Variants in FHOD3 observed in about 807,000 individuals in gnomAD.
FHOD3 encodes the protein formin homology 2 domain containing 3.
FHOD3 carries 90 observed loss-of-function variants against 173.0 expected under a neutral mutation model. The observed-to-expected ratio is 0.52, with a 90% confidence interval of 0.44 to 0.62. The LOEUF (loss-of-function observed/expected upper bound fraction) is 0.62, where lower values mean the gene tolerates loss of function less well. Among genes scored for constraint, FHOD3 ranks in the 20% least tolerant of loss-of-function variants. FHOD3 has a pLI of 0.00. For missense variants in FHOD3, 1,945 were observed against 2,034.7 expected, an observed-to-expected ratio of 0.96 and a Z score of 0.85; for synonymous variants, 828 against 823.0, an observed-to-expected ratio of 1.01 and a Z score of -0.10.
intron 23 of FHOD3, among the ~76,000 whole-genome samples, chr18:36,744,856 C>T (rs1466414996): frequency 1.3e-5 from 2 of 152,186 alleles, no homozygotes. Context: ...AGAGGGATCC[C>T]AAACACACCA....
intron 7 of FHOD3, 128 bp downstream of exon 7, chr18:36,595,026 A>C: frequency 1.6e-6 from 1 of 615,852 alleles, no homozygotes; most frequent in Non-Finnish European, 2.8e-6. Flanking sequence ...TTCCCACTGC[A>C]AGAAACGTTT....
At chr18:36,732,850 C>A (rs2041438851) in intron 20 of FHOD3, among the ~76,000 whole-genome samples, 1 of 152,188 alleles carries the variant, frequency 6.6e-6, no homozygotes, top group Admixed American at 6.5e-5. Flanking sequence ...CAAAGCGTGT[C>A]CCCGCAGACC....
At chr18:36,489,052 A>G (rs1351037505) in intron 3 of FHOD3, among the ~76,000 whole-genome samples, 1 of 152,142 alleles carries the variant, frequency 6.6e-6, no homozygotes, top group Admixed American at 6.5e-5. Flanking sequence ...AAGAGGGCTA[A>G]GTAGTTTTTG....
At chr18:36,557,269 G>C (rs2057925350) in intron 5 of FHOD3, among the ~76,000 whole-genome samples, 1 of 151,866 alleles carries the variant, frequency 6.6e-6, no homozygotes, top group Non-Finnish European at 1.5e-5. Context: ...TCTTCTCTCT[G>C]TCAGGAAATC....
At chr18:36,437,335 G>A (rs2050861693) in intron 3 of FHOD3, among the ~76,000 whole-genome samples, 1 of 152,044 alleles carries the variant, frequency 6.6e-6, no homozygotes, top group African/African-American at 2.4e-5. Flanking sequence ...CCAAGTATTA[G>A]CTTTTTGCTT....
chr18:36,758,166 C>G (rs1435302428), intron 25 of FHOD3, among the ~76,000 whole-genome samples: 1 of 152,166 alleles, frequency 6.6e-6, no homozygotes, highest in Non-Finnish European at 1.5e-5. Context: ...GGACTGTTGT[C>G]TCTTGTCACA....
chr18:36,351,281 A>G (rs906627007), intron 1 of FHOD3, among the ~76,000 whole-genome samples: 2 of 152,104 alleles, frequency 1.3e-5, no homozygotes, highest in East Asian at 1.9e-4. Flanking sequence ...CACAAATGGG[A>G]TGGGCCTGCC....
At chr18:36,473,554 C>A (rs900858961) in intron 3 of FHOD3, among the ~76,000 whole-genome samples, 1 of 152,190 alleles carries the variant, frequency 6.6e-6, no homozygotes, top group African/African-American at 2.4e-5. Context: ...GGCTAGAGCC[C>A]TGATTCCCAA....
intron 10 of FHOD3, among the ~76,000 whole-genome samples, chr18:36,638,979 A>G (rs2035087224): frequency 6.6e-6 from 1 of 152,230 alleles, no homozygotes. Context: ...TTTTTTAGTT[A>G]TAACAGCCAG....
intron 5 of FHOD3, among the ~76,000 whole-genome samples, chr18:36,554,553 C>T (rs2057794843): frequency 1.3e-5 from 2 of 152,050 alleles, no homozygotes; most frequent in Admixed American, 1.3e-4. Context: ...TTAATGGGTG[C>T]AGCACACCAC....
chr18:36,409,698 C>A (rs2049253863), intron 3 of FHOD3, among the ~76,000 whole-genome samples: 1 of 152,210 alleles, frequency 6.6e-6, no homozygotes, highest in Non-Finnish European at 1.5e-5. Flanking sequence ...TTAGGGCTGA[C>A]CGTCAGATAC....
At position 36,732,126 on chromosome 18, in the gene FHOD3, G is replaced by A. The variant is rs989850526; in HGVS notation, c.3576+1322G>A. Among the ~76,000 whole-genome samples the A allele has an allele frequency of 1.1e-4, 17 of 152,142 alleles. No homozygotes were observed. In the East Asian group the frequency reaches 1.7e-3, roughly 16 times the overall value. ...GGTATACAGAATGCCATGTGATGAC[G>A]GAGGTGGAAATTAGAGTGATGTTTT... On this transcript the variant is annotated intron_variant, in intron 20 of 28. Transcript: ENST00000590592.
chr18:36,493,660 C>T (rs780461436), intron 3 of FHOD3, among the ~76,000 whole-genome samples: 2 of 152,144 alleles, frequency 1.3e-5, no homozygotes, highest in Non-Finnish European at 2.9e-5. Flanking sequence ...CAGCTAAATG[C>T]CTGGCAGATA....
At chr18:36,766,481 A>G (rs1355537608) in intron 27 of FHOD3, among the ~76,000 whole-genome samples, 1 of 152,212 alleles carries the variant, frequency 6.6e-6, no homozygotes, top group Non-Finnish European at 1.5e-5. Context: ...TTACTACTAC[A>G]TGGTCCCTTG....
At chr18:36,508,626 A>G (rs544130262) in intron 4 of FHOD3, among the ~76,000 whole-genome samples, 2 of 146,998 alleles carry the variant, frequency 1.4e-5, no homozygotes, top group East Asian at 4.2e-4. Context: ...TAGTGACACT[A>G]CAAAATAACA....
chr18:36,611,397 G>A (rs527516495), intron 8 of FHOD3, among the ~76,000 whole-genome samples: 9 of 152,174 alleles, frequency 5.9e-5, no homozygotes, highest in Admixed American at 3.9e-4. Flanking sequence ...CCGAGGTGTC[G>A]CCCAGGACTG....
chr18:36,334,996 G>A (rs2045230506), intron 1 of FHOD3, among the ~76,000 whole-genome samples: 1 of 152,164 alleles, frequency 6.6e-6, no homozygotes, highest in African/African-American at 2.4e-5. Context: ...TAGCAGGTGT[G>A]CCTGAGGCCT....
intron 2 of FHOD3, among the ~76,000 whole-genome samples, chr18:36,358,225 T>C (rs2046452235): frequency 6.6e-6 from 1 of 152,250 alleles, no homozygotes. Context: ...CTTTAGGTTC[T>C]ATGCAGCATG....
At chr18:36,720,085 C>T (rs1183475365) in intron 19 of FHOD3, among the ~76,000 whole-genome samples, 1 of 152,044 alleles carries the variant, frequency 6.6e-6, no homozygotes, top group Non-Finnish European at 1.5e-5. Context: ...CAGTCCTGTC[C>T]TTCAGTTGAA....
Sources: allele counts gnomAD v4.1 joint callset (sites outside exome capture counted in the v4.1 genomes callset), GRCh38; gene constraint gnomAD v4.1.1; transcripts MANE v1.5; gene names NCBI Gene and HGNC (gene_info 2026-07-23, HGNC 2026-07-21).